The following RORA variants were observed in gnomAD, a reference collection of about 807,000 sequenced individuals.
RORA encodes the protein RAR related orphan receptor A, also known as nuclear receptor ROR-alpha.
Under a neutral mutation model 69.5 loss-of-function variants are expected in RORA, and 7 were observed. That is an observed-to-expected ratio of 0.10 (90% CI 0.06 to 0.19). The LOEUF is 0.19. RORA is among the 10% of genes least tolerant of loss of function. The pLI, the probability that RORA is intolerant of heterozygous loss-of-function variation, is 1.00. For missense variants in RORA, 457 were observed against 663.0 expected, an observed-to-expected ratio of 0.69 and a Z score of 3.41; for synonymous variants, 261 against 240.8, an observed-to-expected ratio of 1.08 and a Z score of -0.78.
At chr15:60,780,824 T>C (rs761193785) in intron 1 of RORA, among the ~76,000 whole-genome samples, 1 of 152,222 alleles carries the variant, frequency 6.6e-6, no homozygotes, top group Non-Finnish European at 1.5e-5. Context: ...GGTCCCTACA[T>C]GCTAGTGTCA....
intron 1 of RORA, among the ~76,000 whole-genome samples, chr15:61,012,374 A>G (rs150589943): frequency 5.8e-4 from 89 of 152,294 alleles, no homozygotes; most frequent in South Asian, 2.3e-3. Flanking sequence ...AAGTCTCACA[A>G]ACACTAACTT....
At chr15:60,635,252 G>A (rs2069814592) in intron 2 of RORA, among the ~76,000 whole-genome samples, 1 of 152,182 alleles carries the variant, frequency 6.6e-6, no homozygotes, top group South Asian at 2.1e-4. Flanking sequence ...TGAGGATAAT[G>A]TGCTGTTTTA....
chr15:60,600,293 TG>T (rs1341758589), intron 2 of RORA, among the ~76,000 whole-genome samples: 1 of 152,242 alleles, frequency 6.6e-6, no homozygotes, highest in Middle Eastern at 3.2e-3. Flanking sequence ...GAGCAAATGC[TG>T]GCATTATTTT....
chr15:60,653,166 G>C (rs948119358), intron 2 of RORA, among the ~76,000 whole-genome samples: 1 of 152,214 alleles, frequency 6.6e-6, no homozygotes, highest in Non-Finnish European at 1.5e-5. Flanking sequence ...CTATGAGCCT[G>C]CAGACAAATC....
In RORA at chr15:60,996,032, G is replaced by A. The variant is rs148023684; in HGVS notation, c.166+233021C>T. 2.6e-3 allele frequency among the ~76,000 whole-genome samples: 395 copies of A among 151,616 alleles called. 1 individual carries two copies. Among genetic ancestry groups the A allele is most frequent in the African/African-American group, 9.1e-3 (378 of 41,406 alleles). On this transcript the variant is annotated intron_variant, in intron 1 of 10. Transcript: ENST00000335670. ...ATATTTAGGAGCTTATGTGAGGAAA[G>A]TTTCTAGAGGGATGGAAATGATCTA...
At chr15:60,821,370 T>C (rs2072891511) in intron 1 of RORA, among the ~76,000 whole-genome samples, 2 of 152,194 alleles carry the variant, frequency 1.3e-5, no homozygotes, top group African/African-American at 4.8e-5. Flanking sequence ...GTCCGCTCCA[T>C]CTGCTGCCCG....
intron 1 of RORA, among the ~76,000 whole-genome samples, chr15:60,797,840 G>A (rs1448948065): frequency 3.3e-5 from 5 of 152,170 alleles, no homozygotes; most frequent in Non-Finnish European, 7.3e-5. Context: ...CGGTGAGGCT[G>A]CTAGCCAGGT....
rs1555425172 is a variant in RORA, at chr15:60,517,123, T to TC, written c.283-2367dup. Among the ~76,000 whole-genome samples, 109 of 150,464 alleles carry TC rather than the reference T, an allele frequency of 7.2e-4. 2 individuals carry two copies. The highest frequency in any genetic ancestry group is 1.9e-3 in the East Asian group (10 of 5,160). ...TGTTCATCTGTGCTTTTTTTTTTTTTCCCCCCTACAATAGGCAGATGGGAA... is the reference window on the plus strand; with the variant it reads ...TGTTCATCTGTGCTTTTTTTTTTTTTCCCCCCCTACAATAGGCAGATGGGAA... On this transcript the variant is annotated intron_variant, in intron 3 of 10. Transcript: ENST00000335670.
chr15:60,769,341 C>T lies in RORA; in HGVS notation c.167-90655G>A, dbSNP rs577290871. Among the ~76,000 whole-genome samples, 77 of 152,226 alleles carry T rather than the reference C, an allele frequency of 5.1e-4. 1 individual carries two copies. Among genetic ancestry groups the T allele is most frequent in the African/African-American group, 1.8e-3 (73 of 41,548 alleles). On this transcript the variant is annotated intron_variant, in intron 1 of 10. Transcript: ENST00000335670. ...TAACTCTTTTTGTCTCGTCTTTATTCACCAGGGTTAGGTGCTCTTACATGG... is the reference window on the plus strand; with the variant it reads ...TAACTCTTTTTGTCTCGTCTTTATTTACCAGGGTTAGGTGCTCTTACATGG...
At chr15:61,137,664 C>A (rs1596019631) in intron 1 of RORA, among the ~76,000 whole-genome samples, 1 of 152,192 alleles carries the variant, frequency 6.6e-6, no homozygotes, top group South Asian at 2.1e-4. Context: ...AGCTAAAGTG[C>A]ATTTAGCATT....
Position 60,661,647 on chromosome 15 carries a change from G to A in RORA, c.196+17010C>T, listed in dbSNP as rs116248236. Reference sequence around the variant, plus strand: ...TCTCAATTAACTTCACTATCAACCTGAAAGGGCCCCCTCTTTTCCAAGGCA... The same window carrying A: ...TCTCAATTAACTTCACTATCAACCTAAAAGGGCCCCCTCTTTTCCAAGGCA... On this transcript the variant is annotated intron_variant, in intron 2 of 10. Coordinates refer to ENST00000335670, the MANE Select transcript of RORA (RefSeq NM_134261.3). Among the ~76,000 whole-genome samples, 809 of 152,272 alleles carry A rather than the reference G, an allele frequency of 5.3e-3. 10 individuals carry two copies. The highest frequency in any genetic ancestry group is 0.019 in the African/African-American group (769 of 41,554).
intron 2 of RORA, among the ~76,000 whole-genome samples, chr15:60,590,040 C>A (rs368195471): frequency 9.2e-5 from 14 of 152,328 alleles, no homozygotes; most frequent in Middle Eastern, 3.4e-3. Flanking sequence ...GCATTCCTCA[C>A]TTCCCCACAA....
intron 1 of RORA, among the ~76,000 whole-genome samples, chr15:60,766,334 T>G (rs144986722): frequency 6.6e-6 from 1 of 152,072 alleles, no homozygotes; most frequent in East Asian, 1.9e-4. Flanking sequence ...GATTCCAAAA[T>G]TAGTAAAAAA....
At chr15:60,657,364 T>C (rs1252253597) in intron 2 of RORA, among the ~76,000 whole-genome samples, 1 of 152,106 alleles carries the variant, frequency 6.6e-6, no homozygotes, top group Non-Finnish European at 1.5e-5. Context: ...GCAGGCCCTC[T>C]CCATGACAAC....
chr15:60,838,719 C>G (rs1438348002), intron 1 of RORA, among the ~76,000 whole-genome samples: 1 of 152,102 alleles, frequency 6.6e-6, no homozygotes, highest in Non-Finnish European at 1.5e-5. Context: ...CATGGTTTAA[C>G]CAAAATCATG....
At chr15:60,690,566 G>T (rs28653730) in intron 1 of RORA, among the ~76,000 whole-genome samples, 20,097 of 152,192 alleles carry the variant, frequency 0.13, 1,355 homozygotes, top group East Asian at 0.16. Context: ...GTGTTCTTGA[G>T]TCTCTTTGCT....
chr15:60,653,695 C>T (rs1479422508), intron 2 of RORA, among the ~76,000 whole-genome samples: 2 of 152,198 alleles, frequency 1.3e-5, no homozygotes, highest in Non-Finnish European at 2.9e-5. Flanking sequence ...ATGGACTTTT[C>T]ATGGCACTGT....
At chr15:60,870,646 G>T (rs2073545593) in intron 1 of RORA, among the ~76,000 whole-genome samples, 1 of 152,200 alleles carries the variant, frequency 6.6e-6, no homozygotes, top group Non-Finnish European at 1.5e-5. Context: ...AAACACTTTT[G>T]CACAGAAACC....
At chr15:60,550,870 A>G (rs2067209659) in intron 2 of RORA, among the ~76,000 whole-genome samples, 1 of 152,218 alleles carries the variant, frequency 6.6e-6, no homozygotes, top group South Asian at 2.1e-4. Flanking sequence ...CATTACCACA[A>G]TTAAAGAAAA....
Sources: gnomAD v4.1 joint callset for allele counts (sites outside exome capture counted in the v4.1 genomes callset) on GRCh38, gnomAD v4.1.1 for gene constraint, MANE v1.5 for transcripts, NCBI Gene and HGNC (gene_info 2026-07-23, HGNC 2026-07-21) for gene names.